The following WBP2NL variants were observed in gnomAD, a reference collection of about 807,000 sequenced individuals.
WBP2NL encodes postacrosomal sheath WW domain-binding protein.
A neutral mutation model predicts 23.3 loss-of-function variants in WBP2NL; 27 were observed. That is an observed-to-expected ratio of 1.16 (90% confidence interval 0.85 to 1.60). WBP2NL has a LOEUF of 1.60. Among genes scored for constraint, WBP2NL ranks in the 40% most tolerant of loss-of-function variants. The pLI is 0.00. For missense variants in WBP2NL, 370 were observed against 389.5 expected (o/e 0.95, Z 0.42); for synonymous variants, 151 against 145.9 (o/e 1.03, Z -0.25).
chr22:42,042,622 T>C (rs969570521), intron 8 of WBP2NL, among the ~76,000 whole-genome samples: 1 of 152,252 alleles, frequency 6.6e-6, no homozygotes, highest in African/African-American at 2.4e-5. Context: ...AAAACAATTA[T>C]TGTGAATTTT....
At chr22:42,031,355 C>CA (rs1486580571), downstream of WBP2NL, 2 of 152,236 alleles carry the variant, frequency 1.3e-5, no homozygotes, top group Admixed American at 6.5e-5. Context: ...TGAGAGCACT[C>CA]ATGTGCTGAG....
chr22:42,022,132 A>G, intron 4 of WBP2NL, 117 bp from the exon 5 acceptor site: 1 of 832,896 alleles, frequency 1.2e-6, no homozygotes, highest in Non-Finnish European at 2.0e-6. Flanking sequence ...TCTCAAGAGC[A>G]TTGTTGGAAA....
downstream of WBP2NL, among the ~76,000 whole-genome samples, chr22:42,036,145 C>T (rs1458477537): frequency 6.6e-6 from 1 of 152,118 alleles, no homozygotes; most frequent in Non-Finnish European, 1.5e-5. Flanking sequence ...TATCCCTTTA[C>T]TATCCTATAG....
chr22:42,020,143 T>G (rs771799510), intron 4 of WBP2NL, 47 bp downstream of exon 4: 2 of 1,545,886 alleles, frequency 1.3e-6, no homozygotes, highest in Non-Finnish European at 1.8e-6. Flanking sequence ...GTTTTTTGTT[T>G]GTTTGTTTGG....
chr22:42,025,195 A>G (rs907238403), intron 5 of WBP2NL, among the ~76,000 whole-genome samples: 1 of 152,234 alleles, frequency 6.6e-6, no homozygotes, highest in Non-Finnish European at 1.5e-5. Context: ...ATTCGTTGCC[A>G]AATCCAATGT....
intron 8 of WBP2NL, among the ~76,000 whole-genome samples, chr22:42,055,926 T>A (rs1602485669): frequency 6.6e-6 from 1 of 152,188 alleles, no homozygotes; most frequent in East Asian, 1.9e-4. Flanking sequence ...TGTCTTTGAG[T>A]CTAAAGTGTC....
At chr22:42,043,163 T>G (rs1024354455) in intron 8 of WBP2NL, among the ~76,000 whole-genome samples, 3 of 152,060 alleles carry the variant, frequency 2.0e-5, no homozygotes, top group African/African-American at 7.2e-5. Context: ...CTAGTGGTCC[T>G]CCACAAAGTG....
intron 8 of WBP2NL, among the ~76,000 whole-genome samples, chr22:42,057,890 TATATATATATA>T (rs1463856304): frequency 3.1e-4 from 8 of 25,894 alleles, no homozygotes; most frequent in South Asian, 1.0e-3. Flanking sequence ...TATATATATA[TATATATATATA>T]TTTTTTTTTT....
At chr22:42,047,621 ATT>A (rs570138140) in intron 8 of WBP2NL, among the ~76,000 whole-genome samples, 6,494 of 133,010 alleles carry the variant, frequency 0.049, 530 homozygotes, top group African/African-American at 0.17. Context: ...AACCAATCAA[ATT>A]TTTTTTTTTT....
At chr22:42,025,509 G>A in intron 5 of WBP2NL, among the ~76,000 whole-genome samples, 1 of 152,210 alleles carries the variant, frequency 6.6e-6, no homozygotes, top group South Asian at 2.1e-4. Flanking sequence ...AGAGTGAAGT[G>A]AGGGAAGAAC....
downstream of WBP2NL, chr22:42,032,636 C>A: frequency 2.7e-6 from 1 of 376,348 alleles, no homozygotes; most frequent in Non-Finnish European, 5.4e-6. Flanking sequence ...CACAGATTAC[C>A]TCATTGTCAG....
chr22:42,007,446 T>G (rs1302190449), intron 1 of WBP2NL, among the ~76,000 whole-genome samples: 2 of 152,186 alleles, frequency 1.3e-5, no homozygotes, highest in Admixed American at 1.3e-4. Flanking sequence ...AAAATACACT[T>G]ATTGCAGAAT....
At chr22:42,029,814 C>G (rs190843799), downstream of WBP2NL, 4 of 152,220 alleles carry the variant, frequency 2.6e-5, no homozygotes, top group South Asian at 8.3e-4. Flanking sequence ...TACACCATAA[C>G]GTATTTTCTC....
downstream of WBP2NL, among the ~76,000 whole-genome samples, chr22:42,029,733 T>C (rs1205717824): frequency 6.6e-6 from 1 of 152,254 alleles, no homozygotes; most frequent in Non-Finnish European, 1.5e-5. Flanking sequence ...CCAGATATTT[T>C]ACATTTTCAT....
chr22:42,040,900 G>A (rs959747142), intron 8 of WBP2NL, among the ~76,000 whole-genome samples: 3 of 152,166 alleles, frequency 2.0e-5, no homozygotes, highest in African/African-American at 4.8e-5. Context: ...TGGCTAAAAC[G>A]TTCTGTATGT....
At chr22:42,003,932 T>TG (rs1168524697) in intron 1 of WBP2NL, among the ~76,000 whole-genome samples, 1 of 152,190 alleles carries the variant, frequency 6.6e-6, no homozygotes, top group East Asian at 1.9e-4. Context: ...GAAAAGTTTA[T>TG]GGGGAAATGG....
chr22:42,019,459 C>A, intron 2 of WBP2NL, 40 bp downstream of exon 2: 1 of 1,582,388 alleles, frequency 6.3e-7, no homozygotes, highest in Non-Finnish European at 8.6e-7. Context: ...ATTAACTCTA[C>A]ATTTGTTTTC....
chr22:42,008,017 C>G (rs901156099), intron 1 of WBP2NL, among the ~76,000 whole-genome samples: 7 of 152,108 alleles, frequency 4.6e-5, no homozygotes, highest in Non-Finnish European at 8.8e-5. Flanking sequence ...ACATTTCTAG[C>G]AACAGTGCAC....
intron 8 of WBP2NL, among the ~76,000 whole-genome samples, chr22:42,042,616 CAAT>C (rs943138075): frequency 5.3e-5 from 8 of 152,154 alleles, no homozygotes; most frequent in African/African-American, 1.9e-4. Flanking sequence ...TTCTCTAAAA[CAAT>C]TATTGTGAAT....
Sources: gnomAD v4.1 joint callset for allele counts (sites outside exome capture counted in the v4.1 genomes callset) on GRCh38, gnomAD v4.1.1 for gene constraint, MANE v1.5 for transcripts, NCBI Gene and HGNC (gene_info 2026-07-23, HGNC 2026-07-21) for gene names.